Variants in GRAMD1B observed in about 807,000 individuals in gnomAD.
GRAMD1B encodes protein Aster-B.
In GRAMD1B, 37 loss-of-function variants were observed where a neutral mutation model predicts 99.7. That is an observed-to-expected ratio of 0.37 (90% CI 0.29 to 0.49). The LOEUF (loss-of-function observed/expected upper bound fraction) is 0.49. GRAMD1B is among the 20% of genes least tolerant of loss of function. GRAMD1B has a pLI of 0.98. For missense variants in GRAMD1B, 888 were observed against 1,009.2 expected, an observed-to-expected ratio of 0.88 and a Z score of 1.63; for synonymous variants, 427 against 387.6, an observed-to-expected ratio of 1.10 and a Z score of -1.19.
At chr11:123,490,653 T>C (rs563574411) in intron 2 of GRAMD1B, among the ~76,000 whole-genome samples, 30 of 152,292 alleles carry the variant, frequency 2.0e-4, no homozygotes, top group African/African-American at 6.0e-4. Context: ...GTCCAGGGCT[T>C]GATCATGAAT....
At chr11:123,416,082 A>G (rs924225183) in intron 1 of GRAMD1B, among the ~76,000 whole-genome samples, 3 of 152,240 alleles carry the variant, frequency 2.0e-5, no homozygotes, top group African/African-American at 7.2e-5. Context: ...ACTATAATGT[A>G]TAGCTTAATA....
chr11:123,600,967 G>A (rs1951866305), intron 8 of GRAMD1B, among the ~76,000 whole-genome samples: 1 of 152,154 alleles, frequency 6.6e-6, no homozygotes, highest in Non-Finnish European at 1.5e-5. Context: ...GAAGGAGTAG[G>A]GGAGGCAGGG....
chr11:123,525,925 G>A lies in GRAMD1B; in HGVS notation c.452+45032G>A. 5 of 573,590 alleles carry A rather than the reference G, an allele frequency of 8.7e-6. No individual in the cohort carries two copies. The South Asian group carries it at 1.1e-4, about 13-fold the overall frequency. The allele number at this position is 573,590 out of a possible 1,614,324, so 35.5% of individuals were successfully genotyped here. On this transcript the variant is annotated intron_variant, in intron 2 of 19. Transcript: ENST00000635736. ...GCTGGATTTGCAGAATCTGTCCTTT[G>A]CCTCCAAGCCCAGCTTTCAGCTGGG...
intron 2 of GRAMD1B, among the ~76,000 whole-genome samples, chr11:123,559,910 A>C (rs1051136043): frequency 6.6e-6 from 1 of 152,238 alleles, no homozygotes; most frequent in Non-Finnish European, 1.5e-5. Context: ...GACTCTCTTT[A>C]GAGCCAGGCA....
intron 2 of GRAMD1B, among the ~76,000 whole-genome samples, chr11:123,485,715 CTTT>C (rs373956363): frequency 0.16 from 21,628 of 132,122 alleles, 1,818 homozygotes; most frequent in Admixed American, 0.24. Context: ...TTAATTCATT[CTTT>C]TTTTTTTTTT....
At chr11:123,607,549 C>G (rs947178721) in intron 11 of GRAMD1B, among the ~76,000 whole-genome samples, 1 of 152,222 alleles carries the variant, frequency 6.6e-6, no homozygotes, top group Non-Finnish European at 1.5e-5. Context: ...TACCCACCCC[C>G]ATCTAGAGTC....
chr11:123,483,233 C>G (rs926663746), intron 2 of GRAMD1B, among the ~76,000 whole-genome samples: 8 of 152,088 alleles, frequency 5.3e-5, no homozygotes, highest in African/African-American at 1.9e-4. Context: ...AACGAAGTGA[C>G]TAACGGGTGG....
At chr11:123,590,844 T>A (rs1271528823) in intron 4 of GRAMD1B, among the ~76,000 whole-genome samples, 1 of 152,134 alleles carries the variant, frequency 6.6e-6, no homozygotes, top group Non-Finnish European at 1.5e-5. Flanking sequence ...AGCTGGGCAT[T>A]CGGTTCCTTT....
intron 2 of GRAMD1B, among the ~76,000 whole-genome samples, chr11:123,534,116 T>C (rs565809560): frequency 1.3e-5 from 2 of 152,368 alleles, no homozygotes; most frequent in South Asian, 4.1e-4. Flanking sequence ...TAACTACTAA[T>C]TGCCTACTGT....
At chr11:123,598,299 A>T in intron 7 of GRAMD1B, 1 of 1,284,386 alleles carries the variant, frequency 7.8e-7, no homozygotes. Flanking sequence ...CAAGTGGCCA[A>T]GTGGCAGGTT....
intron 2 of GRAMD1B, among the ~76,000 whole-genome samples, chr11:123,572,920 A>C (rs1168020139): frequency 6.6e-6 from 1 of 150,998 alleles, no homozygotes; most frequent in Non-Finnish European, 1.5e-5. Flanking sequence ...TGGCTGAGGC[A>C]GAGGCACAAA....
chr11:123,359,649 G>T (rs952123124), intron 1 of GRAMD1B, among the ~76,000 whole-genome samples: 2 of 152,120 alleles, frequency 1.3e-5, no homozygotes, highest in Non-Finnish European at 2.9e-5. Flanking sequence ...AATTGTGAAG[G>T]ACAACTCCAC....
At chr11:123,576,428 C>T (rs937570958) in intron 2 of GRAMD1B, among the ~76,000 whole-genome samples, 3 of 152,216 alleles carry the variant, frequency 2.0e-5, no homozygotes, top group African/African-American at 7.2e-5. Context: ...CCATCTCTTT[C>T]CTTTCTCCAC....
chr11:123,549,541 CA>C (rs113872823), intron 2 of GRAMD1B, among the ~76,000 whole-genome samples: 6 of 144,824 alleles, frequency 4.1e-5, no homozygotes, highest in East Asian at 2.0e-4. Context: ...GACTCAGTCT[CA>C]AAAAAAAAAG....
intron 2 of GRAMD1B, chr11:123,525,960 A>G: frequency 1.7e-6 from 1 of 595,948 alleles, no homozygotes; most frequent in East Asian, 2.8e-5. Context: ...GAGAGGGGGA[A>G]GAAGGGGCAG....
At chr11:123,528,550 T>C (rs1943029766) in intron 2 of GRAMD1B, among the ~76,000 whole-genome samples, 1 of 152,170 alleles carries the variant, frequency 6.6e-6, no homozygotes, top group African/African-American at 2.4e-5. Context: ...AGAGTTTAAG[T>C]GGCCTGCTTG....
At position 123,390,380 on chromosome 11, in the gene GRAMD1B, C is replaced by T. The variant is rs569895320; in HGVS notation, c.-176+31581C>T. Among the ~76,000 whole-genome samples the T allele has an allele frequency of 4.4e-4, 67 of 152,310 alleles. 1 individual carries two copies. Among genetic ancestry groups the T allele is most frequent in the African/African-American group, 8.2e-4 (34 of 41,568 alleles). The stretch of plus-strand genomic sequence containing the variant: ...CCTGTCTCTGGGCATTGCTGAGCAA[C>T]GTCTGGCACTCTGTACGCATCACCC... On this transcript the variant is annotated intron_variant, in intron 1 of 20. Coordinates refer to the GRAMD1B transcript ENST00000638157.
chr11:123,466,058 T>A (rs1188092122), intron 1 of GRAMD1B, among the ~76,000 whole-genome samples: 1 of 151,504 alleles, frequency 6.6e-6, no homozygotes, highest in African/African-American at 2.4e-5. Context: ...GGCGGATCAC[T>A]TGAGGTCAGG....
At chr11:123,433,679 CGTGTGTGTGTGTGTGT>C (rs59262021) in intron 1 of GRAMD1B, among the ~76,000 whole-genome samples, 3 of 142,980 alleles carry the variant, frequency 2.1e-5, no homozygotes, top group African/African-American at 7.6e-5. Flanking sequence ...ATGTTACGTG[CGTGTGTGTGTGTGTGT>C]GTGTGTGTGT....
Sources: gnomAD v4.1 joint callset for allele counts (sites outside exome capture counted in the v4.1 genomes callset) on GRCh38, gnomAD v4.1.1 for gene constraint, MANE v1.5 for transcripts, NCBI Gene and HGNC (gene_info 2026-07-23, HGNC 2026-07-21) for gene names.